TRAK1: variants seen among roughly 807,000 people sequenced by gnomAD.
TRAK1 encodes the protein trafficking kinesin protein 1, also known as trafficking kinesin-binding protein 1.
In TRAK1, 33 loss-of-function variants were observed where a neutral mutation model predicts 92.1. The ratio of observed to expected loss-of-function variants is 0.36; its 90% CI spans 0.27 to 0.48. TRAK1 has a LOEUF of 0.48. Among genes scored for constraint, TRAK1 ranks in the 20% least tolerant of loss-of-function variants. The pLI is 0.99. For synonymous variants in TRAK1, 521 were observed against 517.3 expected, an observed-to-expected ratio of 1.01 and a Z score of -0.10; for missense variants, 1,123 against 1,257.9, an observed-to-expected ratio of 0.89 and a Z score of 1.62.
At position 42,202,677 on chromosome 3, in the gene TRAK1, A is replaced by G. The variant is rs116570962; in HGVS notation, c.1669A>G (p.Thr557Ala). The G allele has an allele frequency of 5.2e-5, 84 of 1,613,466 alleles. No individual in the cohort carries two copies. The African/African-American group carries it at 9.3e-4, about 18-fold the overall frequency. Residue 557 changes from threonine to alanine, a missense_variant, in exon 13 of 16, where the codon ACC (threonine) becomes GCC (alanine). Coordinates refer to ENST00000327628, the MANE Select transcript of TRAK1 (RefSeq NM_001042646.3). This position sits in a 1 kb window ranked among gnomAD's most constrained non-coding sequence, Gnocchi z 6.1. ...LGTHSRFSEF[T>A]GFSGMSFSSR... ...CACGCACTCCCGCTTCTCCGAGTTCACCGGCTTCTCTGGCATGTCCTTCAG... is the reference window on the plus strand; with the variant it reads ...CACGCACTCCCGCTTCTCCGAGTTCGCCGGCTTCTCTGGCATGTCCTTCAG...
At chr3:42,038,492 A>T (rs1055301254) in intron 1 of TRAK1, among the ~76,000 whole-genome samples, 3 of 152,156 alleles carry the variant, frequency 2.0e-5, no homozygotes, top group African/African-American at 4.8e-5. Context: ...ATTTTTAAAA[A>T]TTTTTTGTAG....
chr3:42,181,411 G>A (rs1422974574), intron 3 of TRAK1, among the ~76,000 whole-genome samples: 1 of 152,196 alleles, frequency 6.6e-6, no homozygotes, highest in Non-Finnish European at 1.5e-5. Context: ...GGGCGAGGTG[G>A]CGTGTGCCTG....
chr3:42,165,389 G>A (rs1223896414), intron 2 of TRAK1, among the ~76,000 whole-genome samples: 1 of 152,232 alleles, frequency 6.6e-6, no homozygotes, highest in Admixed American at 6.5e-5. Flanking sequence ...CTGTGTCTAT[G>A]TCCAGTGGCT....
chr3:42,063,673 G>A (rs928766747), intron 1 of TRAK1, among the ~76,000 whole-genome samples: 4 of 148,226 alleles, frequency 2.7e-5, no homozygotes, highest in Non-Finnish European at 4.5e-5. Flanking sequence ...GTGACAGAGT[G>A]AGACTCTGTC....
intron 1 of TRAK1, among the ~76,000 whole-genome samples, chr3:42,070,385 A>C (rs1703884777): frequency 6.6e-6 from 1 of 151,434 alleles, no homozygotes; most frequent in Admixed American, 6.6e-5. Context: ...TTTGATCACT[A>C]GTGACATTTT....
At chr3:42,132,674 A>G (rs1438994534) in intron 2 of TRAK1, among the ~76,000 whole-genome samples, 1 of 151,590 alleles carries the variant, frequency 6.6e-6, no homozygotes, top group Non-Finnish European at 1.5e-5. Flanking sequence ...ACCGTCAGGC[A>G]TAGTCATTCT....
At chr3:42,165,852 G>T (rs970792392) in intron 2 of TRAK1, among the ~76,000 whole-genome samples, 1 of 152,004 alleles carries the variant, frequency 6.6e-6, no homozygotes, top group Non-Finnish European at 1.5e-5. Flanking sequence ...CCTCCTGTGG[G>T]GTCAGTCTCT....
chr3:42,167,857 G>A (rs1429702911), intron 2 of TRAK1, among the ~76,000 whole-genome samples: 1 of 152,298 alleles, frequency 6.6e-6, no homozygotes, highest in East Asian at 1.9e-4. Context: ...TCCAGCCTGG[G>A]CGTCACAGCC....
At chr3:42,018,618 C>T (rs1701615950) in intron 1 of TRAK1, among the ~76,000 whole-genome samples, 2 of 152,056 alleles carry the variant, frequency 1.3e-5, no homozygotes, top group Admixed American at 6.6e-5. Context: ...AACATGTGGA[C>T]TAAGTGGCTT....
At chr3:42,208,396 G>T (rs1463168842) in intron 13 of TRAK1, among the ~76,000 whole-genome samples, 1 of 152,096 alleles carries the variant, frequency 6.6e-6, no homozygotes, top group African/African-American at 2.4e-5. Flanking sequence ...CACATGAGAA[G>T]TTATTTCCAA....
At chr3:42,199,433 A>G (rs897019584) in intron 11 of TRAK1, among the ~76,000 whole-genome samples, 180 bp downstream of exon 11, 1 of 152,110 alleles carries the variant, frequency 6.6e-6, no homozygotes, top group Non-Finnish European at 1.5e-5. Context: ...TCCTCTTATT[A>G]TCTTTTGTTA....
At chr3:42,059,011 T>C (rs796114006) in intron 1 of TRAK1, among the ~76,000 whole-genome samples, 23 of 152,324 alleles carry the variant, frequency 1.5e-4, no homozygotes, top group African/African-American at 5.5e-4. Context: ...CAGGTGTGTA[T>C]GCATGCGTGT....
chr3:42,222,898 C>G (rs577567032), intron 15 of TRAK1, 44 bp from the exon 16 acceptor site: 1 of 1,578,526 alleles, frequency 6.3e-7, no homozygotes, highest in East Asian at 2.2e-5. Flanking sequence ...TTCTCTGGAG[C>G]TCATGGGCAT....
intron 1 of TRAK1, among the ~76,000 whole-genome samples, chr3:42,070,489 G>A (rs964729558): frequency 2.0e-5 from 3 of 151,900 alleles, no homozygotes; most frequent in African/African-American, 4.8e-5. Flanking sequence ...GTGTGGTGGC[G>A]CCATCATGGC....
At chr3:42,204,642 T>C (rs999423200) in intron 13 of TRAK1, among the ~76,000 whole-genome samples, 11 of 152,212 alleles carry the variant, frequency 7.2e-5, no homozygotes, top group African/African-American at 2.7e-4. Context: ...TGCAGTACAG[T>C]AGTGTGATCA....
chr3:42,204,924 C>T (rs1395307896), intron 13 of TRAK1, among the ~76,000 whole-genome samples: 1 of 152,162 alleles, frequency 6.6e-6, no homozygotes, highest in Non-Finnish European at 1.5e-5. Flanking sequence ...TTTTTTCCCT[C>T]CCCTCCACAG....
At chr3:42,173,141 G>C (rs1332661584) in intron 2 of TRAK1, among the ~76,000 whole-genome samples, 1 of 152,082 alleles carries the variant, frequency 6.6e-6, no homozygotes, top group East Asian at 1.9e-4. Context: ...GCGAGACTCT[G>C]TCTCTAACAA....
chr3:42,114,932 C>T (rs1049448532), intron 1 of TRAK1, among the ~76,000 whole-genome samples: 6 of 152,084 alleles, frequency 3.9e-5, no homozygotes, highest in African/African-American at 7.2e-5. Flanking sequence ...AGGCTGATCT[C>T]GAACTCCTAG....
intron 1 of TRAK1, among the ~76,000 whole-genome samples, chr3:42,057,426 C>T (rs1436376404): frequency 6.6e-6 from 1 of 152,142 alleles, no homozygotes; most frequent in African/African-American, 2.4e-5. Flanking sequence ...TTTCTTCTTT[C>T]CTAATAGAAT....
Sources: allele counts gnomAD v4.1 joint callset (sites outside exome capture counted in the v4.1 genomes callset), GRCh38; gene constraint gnomAD v4.1.1; non-coding constraint Gnocchi (gnomAD v3.1); transcripts MANE v1.5; gene names NCBI Gene and HGNC (gene_info 2026-07-23, HGNC 2026-07-21).